Variants in MYL11 observed in about 807,000 individuals in gnomAD.
The protein encoded by MYL11 is myosin light chain 11.
the MYL11 span, among the ~76,000 whole-genome samples, chr16:30,373,631 G>A: frequency 1.5e-4 from 23 of 151,086 alleles, no homozygotes; most frequent in African/African-American, 5.6e-4. Context: ...GCATGGTGGC[G>A]GGTGCCTGGA....
At chr16:30,374,313 T>TA in the MYL11 span, among the ~76,000 whole-genome samples, 1,426 of 132,040 alleles carry the variant, frequency 0.011, 5 homozygotes, top group Non-Finnish European at 0.013. Flanking sequence ...CGAGACTGTC[T>TA]AAAAAAAAAA....
chr16:30,371,409 T>A, the MYL11 span, among the ~76,000 whole-genome samples: 1 of 152,156 alleles, frequency 6.6e-6, no homozygotes, highest in South Asian at 2.1e-4. Flanking sequence ...AGTACTCTCA[T>A]CCTTTACTCT....
the MYL11 span, chr16:30,376,277 G>C: frequency 6.3e-7 from 1 of 1,591,990 alleles, no homozygotes; most frequent in African/African-American, 1.3e-5. Flanking sequence ...AGGAAATTCA[G>C]TGGCCTTGGG....
the MYL11 span, chr16:30,376,650 C>G: frequency 5.6e-6 from 9 of 1,614,024 alleles, no homozygotes; most frequent in South Asian, 1.1e-5. Context: ...ATCACCGGAG[C>G]CTTCAAGGTC....
the MYL11 span, chr16:30,376,360 T>TGGGAAGCGCAGGCCC: frequency 1.2e-5 from 19 of 1,560,722 alleles, no homozygotes; most frequent in Admixed American, 3.3e-4. Flanking sequence ...GCTGAATTAG[T>TGGGAAGCGCAGGCCC]GGGAAGCGCA....
At chr16:30,372,807 C>A in the MYL11 span, 1 of 150,916 alleles carries the variant, frequency 6.6e-6, no homozygotes, top group Non-Finnish European at 1.5e-5. Flanking sequence ...TGGCAAAGGC[C>A]CCTCAGGGGC....
chr16:30,374,157 A>AG, the MYL11 span, among the ~76,000 whole-genome samples: 1 of 151,916 alleles, frequency 6.6e-6, no homozygotes, highest in Non-Finnish European at 1.5e-5. Flanking sequence ...CTAAAAATAC[A>AG]GAAAAAAAAA....
the MYL11 span, chr16:30,375,878 T>C: frequency 1.1e-4 from 172 of 1,614,082 alleles, no homozygotes; most frequent in Admixed American, 1.2e-3. Flanking sequence ...GTCTTCTCCA[T>C]GTTCGACCAG....
At chr16:30,377,956 G>T in the MYL11 span, 1 of 1,506,630 alleles carries the variant, frequency 6.6e-7, no homozygotes, top group Non-Finnish European at 9.1e-7. Flanking sequence ...CCTCCACCCC[G>T]GCTCCCAATA....
chr16:30,376,751 T>C, the MYL11 span: 1 of 1,522,414 alleles, frequency 6.6e-7, no homozygotes, highest in Non-Finnish European at 9.0e-7. Flanking sequence ...CACCAGCTGC[T>C]CCCACACTGA....
chr16:30,376,806 C>A, the MYL11 span: 2 of 1,120,862 alleles, frequency 1.8e-6, no homozygotes, highest in Admixed American at 2.0e-5. Context: ...GTGGCTCAGG[C>A]CTATAATCCC....
chr16:30,376,439 G>T, the MYL11 span: 1 of 1,613,884 alleles, frequency 6.2e-7, no homozygotes, highest in East Asian at 2.2e-5. Flanking sequence ...TCAATGTGAA[G>T]AATGAGGAGT....
the MYL11 span, chr16:30,375,832 G>T: frequency 1.2e-6 from 2 of 1,613,994 alleles, 1 homozygote; most frequent in Middle Eastern, 3.3e-4. Context: ...ACCCAAGAGG[G>T]CCAAGAGAAG....
chr16:30,375,153 C>T, the MYL11 span, among the ~76,000 whole-genome samples: 1 of 152,196 alleles, frequency 6.6e-6, no homozygotes, highest in Non-Finnish European at 1.5e-5. Context: ...TAACTCCCAT[C>T]CCATTTTACA....
the MYL11 span, among the ~76,000 whole-genome samples, chr16:30,373,168 G>A: frequency 2.0e-5 from 3 of 152,214 alleles, no homozygotes; most frequent in African/African-American, 7.2e-5. Context: ...ATCCCTCTTG[G>A]CTCGGCGCGG....
the MYL11 span, among the ~76,000 whole-genome samples, chr16:30,371,903 T>A: frequency 6.6e-6 from 1 of 152,110 alleles, no homozygotes; most frequent in Admixed American, 6.6e-5. Context: ...AAACGCCCTC[T>A]TCTTTCTCTG....
At chr16:30,373,780 A>G in the MYL11 span, among the ~76,000 whole-genome samples, 1 of 151,520 alleles carries the variant, frequency 6.6e-6, no homozygotes, top group African/African-American at 2.4e-5. Context: ...AAAAAAAAGA[A>G]AGAAAAGAAA....
the MYL11 span, chr16:30,376,351 C>G: frequency 1.9e-5 from 29 of 1,556,116 alleles, no homozygotes; most frequent in African/African-American, 3.5e-4. Flanking sequence ...ATGGGATCAG[C>G]TGAATTAGTG....
chr16:30,372,070 TCTC>T, the MYL11 span, among the ~76,000 whole-genome samples: 1 of 152,122 alleles, frequency 6.6e-6, no homozygotes, highest in Non-Finnish European at 1.5e-5. Flanking sequence ...CAGTGTCTGA[TCTC>T]CTTCTCCTCA....
Sources: gnomAD v4.1 joint callset for allele counts (sites outside exome capture counted in the v4.1 genomes callset) on GRCh38, gnomAD v4.1.1 for gene constraint, MANE v1.5 for transcripts, NCBI Gene and HGNC (gene_info 2026-07-23, HGNC 2026-07-21) for gene names.